Variants in BABAM2 observed in about 807,000 individuals in gnomAD.
BABAM2 encodes the protein BRISC and BRCA1 A complex member 2.
BABAM2 carries 31 observed loss-of-function variants against 54.7 expected under a neutral mutation model. That is an observed-to-expected ratio of 0.57 (90% CI 0.43 to 0.77). The LOEUF (loss-of-function observed/expected upper bound fraction) is 0.77, where lower values mean the gene tolerates loss of function less well. BABAM2 is among the 30% of genes least tolerant of loss of function. BABAM2 has a pLI of 0.00. For synonymous variants in BABAM2, 167 were observed against 162.9 expected (o/e 1.03, Z -0.19); for missense variants, 364 against 455.8 (o/e 0.80, Z 1.83).
At chr2:27,898,752 C>T (rs1558570353) in intron 2 of BABAM2, among the ~76,000 whole-genome samples, 2 of 151,980 alleles carry the variant, frequency 1.3e-5, no homozygotes, top group African/African-American at 4.8e-5. Flanking sequence ...TCCATAGAGA[C>T]AGAAAGTAAA....
intron 4 of BABAM2, among the ~76,000 whole-genome samples, chr2:28,002,328 C>A (rs1673635539): frequency 6.6e-6 from 1 of 152,140 alleles, no homozygotes; most frequent in Non-Finnish European, 1.5e-5. Flanking sequence ...TCATATAGGT[C>A]ATTGTATCTG....
chr2:28,066,325 A>G (rs1663562704), intron 6 of BABAM2, among the ~76,000 whole-genome samples: 1 of 152,132 alleles, frequency 6.6e-6, no homozygotes, highest in East Asian at 1.9e-4. Flanking sequence ...TATTAGTCAT[A>G]TCAGTAATAT....
chr2:28,207,367 A>T (rs950698169), intron 7 of BABAM2, among the ~76,000 whole-genome samples: 5 of 150,988 alleles, frequency 3.3e-5, no homozygotes, highest in Non-Finnish European at 7.4e-5. Context: ...AAATCCTAGG[A>T]TGATGCTTCT....
intron 6 of BABAM2, among the ~76,000 whole-genome samples, chr2:28,060,464 A>G (rs1678768085): frequency 6.6e-6 from 1 of 152,134 alleles, no homozygotes; most frequent in Non-Finnish European, 1.5e-5. Flanking sequence ...TACTCTCACC[A>G]TTCTATTCAG....
intron 7 of BABAM2, among the ~76,000 whole-genome samples, chr2:28,146,728 G>T (rs1377555159): frequency 6.6e-6 from 1 of 152,074 alleles, no homozygotes; most frequent in African/African-American, 2.4e-5. Context: ...AGAACTGGAG[G>T]CCTAGGGGAT....
chr2:27,912,258 TC>T (rs1666655777), intron 2 of BABAM2, among the ~76,000 whole-genome samples: 1 of 152,096 alleles, frequency 6.6e-6, no homozygotes, highest in African/African-American at 2.4e-5. Flanking sequence ...TTTTTTTTTT[TC>T]CATTATTAAA....
At chr2:28,067,478 G>A (rs1401291294) in intron 6 of BABAM2, among the ~76,000 whole-genome samples, 1 of 152,020 alleles carries the variant, frequency 6.6e-6, no homozygotes, top group East Asian at 1.9e-4. Flanking sequence ...ATTTCTATCT[G>A]TTGAAATCTT....
At chr2:27,982,526 G>T (rs534345839) in intron 3 of BABAM2, among the ~76,000 whole-genome samples, 1 of 152,078 alleles carries the variant, frequency 6.6e-6, no homozygotes, top group East Asian at 1.9e-4. Context: ...TGCATGATAT[G>T]AGGTAGGGGC....
chr2:28,131,610 A>G (rs990945103), intron 7 of BABAM2, among the ~76,000 whole-genome samples: 2 of 152,330 alleles, frequency 1.3e-5, no homozygotes, highest in African/African-American at 2.4e-5. Flanking sequence ...TCAGGATTAT[A>G]TTAATACTGT....
chr2:28,322,056 T>C lies in BABAM2; in HGVS notation c.1089-16394T>C, dbSNP rs1390391439. On this transcript the variant is annotated intron_variant, in intron 11 of 11. Coordinates refer to ENST00000379624, the MANE Select transcript of BABAM2 (RefSeq NM_199191.3). The surrounding 1 kb of genome is among the most constrained non-coding windows in gnomAD (Gnocchi z 4.1). Reference sequence around the variant, plus strand: ...ATAATAGATCCTTAGGAAGGAAGGCTGTTCATTCAGTCATTCAACAGAAAA... The same window carrying C: ...ATAATAGATCCTTAGGAAGGAAGGCCGTTCATTCAGTCATTCAACAGAAAA... Among the ~76,000 whole-genome samples the C allele has an allele frequency of 6.6e-6, 1 of 152,166 alleles. No individual in the cohort carries two copies. The highest frequency in any genetic ancestry group is 1.5e-5 in the Non-Finnish European group (1 of 68,014).
intron 6 of BABAM2, among the ~76,000 whole-genome samples, chr2:28,083,482 T>C (rs897427106): frequency 6.6e-6 from 1 of 152,234 alleles, no homozygotes; most frequent in Non-Finnish European, 1.5e-5. Flanking sequence ...GGGCCCTTTG[T>C]ATGGCTTAAC....
At chr2:28,129,174 C>CA in intron 6 of BABAM2, 97 bp from the exon 7 acceptor site, 2 of 1,138,158 alleles carry the variant, frequency 1.8e-6, no homozygotes, top group East Asian at 4.7e-5. Flanking sequence ...AAGGGTAACT[C>CA]ACAGTCATGG....
intron 7 of BABAM2, among the ~76,000 whole-genome samples, chr2:28,152,689 A>G (rs1205631001): frequency 6.6e-6 from 1 of 152,218 alleles, no homozygotes; most frequent in Non-Finnish European, 1.5e-5. Flanking sequence ...TAAAAATAGT[A>G]CAATACCTGA....
At chr2:27,912,989 G>A (rs1236384190) in intron 2 of BABAM2, among the ~76,000 whole-genome samples, 2 of 152,092 alleles carry the variant, frequency 1.3e-5, no homozygotes, top group East Asian at 3.9e-4. Flanking sequence ...GAGATTAGAA[G>A]ACATCAAAGT....
intron 7 of BABAM2, among the ~76,000 whole-genome samples, chr2:28,177,106 T>A (rs1675093575): frequency 6.6e-6 from 1 of 152,022 alleles, no homozygotes; most frequent in African/African-American, 2.4e-5. Context: ...CTGCGGCACG[T>A]GATAGTCAAA....
At chr2:28,268,553 C>CA (rs968571448) in intron 10 of BABAM2, among the ~76,000 whole-genome samples, 3 of 152,096 alleles carry the variant, frequency 2.0e-5, no homozygotes, top group Non-Finnish European at 4.4e-5. Context: ...AAGAATGAAC[C>CA]AAAACATTAT....
At chr2:27,917,924 G>T (rs940044021) in intron 2 of BABAM2, among the ~76,000 whole-genome samples, 4 of 152,080 alleles carry the variant, frequency 2.6e-5, no homozygotes, top group African/African-American at 7.2e-5. Flanking sequence ...TGGAAGAAAT[G>T]CTTTTGTCGT....
At chr2:28,333,216 C>T (rs779267844) in intron 11 of BABAM2, among the ~76,000 whole-genome samples, 10 of 152,108 alleles carry the variant, frequency 6.6e-5, no homozygotes, top group African/African-American at 1.9e-4. Context: ...CAGTTACTCC[C>T]GCCTTTTAGA....
chr2:28,108,138 G>T (rs564054512), intron 6 of BABAM2, among the ~76,000 whole-genome samples: 1 of 151,648 alleles, frequency 6.6e-6, no homozygotes, highest in Admixed American at 6.6e-5. Context: ...AGCCTGCTTT[G>T]TACTGTTTTA....
Sources: allele counts gnomAD v4.1 joint callset (sites outside exome capture counted in the v4.1 genomes callset), GRCh38; gene constraint gnomAD v4.1.1; non-coding constraint Gnocchi (gnomAD v3.1); transcripts MANE v1.5; gene names NCBI Gene and HGNC (gene_info 2026-07-23, HGNC 2026-07-21).